The following SUSD6 variants were observed in gnomAD, a reference collection of about 807,000 sequenced individuals.
SUSD6 encodes the protein sushi domain containing 6.
In SUSD6, 16 loss-of-function variants were observed where a neutral mutation model predicts 28.4. The observed-to-expected ratio is 0.56, with a 90% confidence interval of 0.38 to 0.86. SUSD6 has a LOEUF of 0.86. Ranked by LOEUF, SUSD6 falls within the 40% of genes least tolerant of loss-of-function variation. SUSD6 has a pLI of 0.00. For missense variants in SUSD6, 341 were observed against 384.2 expected (o/e 0.89, Z 0.94); for synonymous variants, 147 against 159.6 (o/e 0.92, Z 0.59).
intron 1 of SUSD6, among the ~76,000 whole-genome samples, chr14:69,653,747 CTTTTTT>C (rs3048700): frequency 1.1e-5 from 1 of 93,244 alleles, no homozygotes; most frequent in South Asian, 4.2e-4. Context: ...CCTAGTGAAA[CTTTTTT>C]TTTTTTTTTT....
chr14:69,667,281 A>G (rs982112002), intron 2 of SUSD6, among the ~76,000 whole-genome samples: 5 of 151,602 alleles, frequency 3.3e-5, no homozygotes, highest in African/African-American at 1.2e-4. Context: ...TATGATCCAG[A>G]GGCTGGATTG....
At chr14:69,644,621 G>C (rs529843346) in intron 1 of SUSD6, among the ~76,000 whole-genome samples, 40 of 151,538 alleles carry the variant, frequency 2.6e-4, no homozygotes, top group African/African-American at 9.7e-4. Context: ...CCAGCCTTGC[G>C]ACAGAGTGAG....
intron 2 of SUSD6, among the ~76,000 whole-genome samples, chr14:69,670,979 C>T (rs1207446130): frequency 6.6e-6 from 1 of 152,220 alleles, no homozygotes; most frequent in Non-Finnish European, 1.5e-5. Flanking sequence ...TGTTCAGTAG[C>T]TGTAGTTTCA....
chr14:69,713,839 T>G lies in SUSD6; in HGVS notation c.*2860T>G, dbSNP rs1262302586. The G allele has an allele frequency of 1.4e-5, 2 of 145,122 alleles. No individual in the cohort carries two copies. Among genetic ancestry groups the G allele is most frequent in the East Asian group, 1.9e-4 (1 of 5,142 alleles). The allele number at this position is 145,122 out of a possible 1,614,324, so 9.0% of individuals were successfully genotyped here. A position where few individuals can be genotyped will look rare whatever the true frequency, so the allele number is the denominator to read the frequency against. ...TGTTTGTTTGTTGTTGGTGTTTGTT[T>G]TTTTTTTTTTTTTTTTGGCACACTT... On this transcript the variant is annotated 3_prime_UTR_variant, in exon 6 of 6. Coordinates refer to ENST00000342745, the MANE Select transcript of SUSD6 (RefSeq NM_014734.4).
intron 1 of SUSD6, among the ~76,000 whole-genome samples, chr14:69,643,294 G>A (rs1208687370): frequency 6.6e-6 from 1 of 152,122 alleles, no homozygotes; most frequent in African/African-American, 2.4e-5. Context: ...TTCCTTCTGT[G>A]TTCACTTATT....
At chr14:69,616,314 A>G (rs559994131) in intron 1 of SUSD6, among the ~76,000 whole-genome samples, 8 of 152,252 alleles carry the variant, frequency 5.3e-5, no homozygotes, top group Non-Finnish European at 8.8e-5. Context: ...TCTAAGTCCA[A>G]CCTACTGCCA....
At chr14:69,638,423 AGTGTGTGTGTGT>A (rs10637124) in intron 1 of SUSD6, among the ~76,000 whole-genome samples, 59 of 139,240 alleles carry the variant, frequency 4.2e-4, no homozygotes, top group Middle Eastern at 7.2e-3. Context: ...TGGGGTGGGG[AGTGTGTGTGTGT>A]GTGTGTGTGT....
intron 2 of SUSD6, among the ~76,000 whole-genome samples, chr14:69,699,254 A>T (rs1281575970): frequency 1.3e-5 from 2 of 151,698 alleles, no homozygotes; most frequent in Non-Finnish European, 2.9e-5. Flanking sequence ...CCCAGGCTGG[A>T]GTGCAGTGGT....
Position 69,703,456 on chromosome 14 carries a change from A to G in SUSD6, c.183A>G (p.Arg61=), listed in dbSNP as rs199822330. Residue 61 remains arginine (R), a synonymous_variant, in exon 3 of 6, where the codon AGA becomes AGG. Transcript: ENST00000342745. ...ACATCTGCCACCCCCGGCCCTGCAG[A>G]GACCCCCTGACAGCAGGCAGTGTCA... ...GGYICHPRPC[R]DPLTAGSVIE... 3.7e-6 allele frequency: 6 copies of G among 1,614,152 alleles called. No homozygotes were observed. In the East Asian group the frequency reaches 1.3e-4, roughly 36 times the overall value.
rs1886508493 is a variant in SUSD6 at position 69,713,941 on chromosome 14, T to G, written c.*2962T>G. 1 of 150,856 alleles carries G rather than the reference T, an allele frequency of 6.6e-6. No individual in the cohort carries two copies. Among genetic ancestry groups the G allele is most frequent in the Non-Finnish European group, 1.5e-5 (1 of 67,932 alleles). The allele number at this position is 150,856 out of a possible 1,614,324, so 9.3% of individuals were successfully genotyped here. ...ATGACTTTCAAGGGCCAGAATATGG[T>G]GAAAATCACTTAAAATATCCGTCCC... On this transcript the variant is annotated 3_prime_UTR_variant, in exon 6 of 6. Transcript: ENST00000342745.
intron 2 of SUSD6, among the ~76,000 whole-genome samples, chr14:69,686,489 A>AT (rs1451076402): frequency 6.6e-6 from 1 of 152,188 alleles, no homozygotes; most frequent in African/African-American, 2.4e-5. Context: ...TATACATTAT[A>AT]TTTTGACTGT....
At chr14:69,707,350 C>T (rs1886400629) in intron 4 of SUSD6, among the ~76,000 whole-genome samples, 1 of 152,022 alleles carries the variant, frequency 6.6e-6, no homozygotes, top group African/African-American at 2.4e-5. Flanking sequence ...AAAGTGATCC[C>T]CAAAAAAGAT....
intron 1 of SUSD6, among the ~76,000 whole-genome samples, chr14:69,628,413 G>A (rs1885146570): frequency 6.6e-6 from 1 of 152,202 alleles, no homozygotes; most frequent in African/African-American, 2.4e-5. Flanking sequence ...TGCTGGTGAT[G>A]AAAGTGTATG....
intron 5 of SUSD6, 52 bp downstream of exon 5, chr14:69,709,156 G>T: frequency 6.9e-7 from 1 of 1,439,620 alleles, no homozygotes; most frequent in South Asian, 1.4e-5. Flanking sequence ...GTCCTTGCTG[G>T]GAGTGAGGAA....
chr14:69,661,506 C>T (rs946884572), intron 2 of SUSD6, among the ~76,000 whole-genome samples: 3 of 152,156 alleles, frequency 2.0e-5, no homozygotes, highest in Non-Finnish European at 2.9e-5. Context: ...CCCCAACCTC[C>T]AAGTCTTTTC....
chr14:69,661,409 A>G (rs1316159490), intron 2 of SUSD6, among the ~76,000 whole-genome samples: 1 of 152,086 alleles, frequency 6.6e-6, no homozygotes, highest in Non-Finnish European at 1.5e-5. Flanking sequence ...GTGTCTGTTT[A>G]TAGTGTGGGC....
chr14:69,634,444 T>G (rs982525106), intron 1 of SUSD6, among the ~76,000 whole-genome samples: 2 of 152,266 alleles, frequency 1.3e-5, no homozygotes, highest in Non-Finnish European at 2.9e-5. Flanking sequence ...AGTAGAATCT[T>G]GCATGAAATT....
intron 2 of SUSD6, among the ~76,000 whole-genome samples, chr14:69,696,263 A>G (rs1594721193): frequency 6.6e-6 from 1 of 152,228 alleles, no homozygotes; most frequent in South Asian, 2.1e-4. Flanking sequence ...GTTAAGCCTT[A>G]TTGTCCTTAT....
In SUSD6 at chr14:69,713,514, A is replaced by G. The variant is rs902335807; in HGVS notation, c.*2535A>G. On this transcript the variant is annotated 3_prime_UTR_variant, in exon 6 of 6. Coordinates refer to ENST00000342745, the MANE Select transcript of SUSD6 (RefSeq NM_014734.4). Reference sequence around the variant, plus strand: ...CCAGTTATGTCTTTCTTCCAAAGCAATTTCTTAACCATCAGCCATGTGCTG... The same window carrying G: ...CCAGTTATGTCTTTCTTCCAAAGCAGTTTCTTAACCATCAGCCATGTGCTG... 2.0e-5 allele frequency: 3 copies of G among 152,272 alleles called. No individual in the cohort carries two copies. Among genetic ancestry groups the G allele is most frequent in the Non-Finnish European group, 4.4e-5 (3 of 68,118 alleles). The allele number at this position is 152,272 out of a possible 1,614,324, so 9.4% of individuals were successfully genotyped here.
Sources: allele counts gnomAD v4.1 joint callset (sites outside exome capture counted in the v4.1 genomes callset), GRCh38; gene constraint gnomAD v4.1.1; transcripts MANE v1.5; gene names NCBI Gene and HGNC (gene_info 2026-07-23, HGNC 2026-07-21).